Variants in PRDM15 observed in about 807,000 individuals in gnomAD.
PRDM15 encodes the protein PR/SET domain 15, also known as PR domain zinc finger protein 15.
A neutral mutation model predicts 128.6 loss-of-function variants in PRDM15; 64 were observed. The ratio of observed to expected loss-of-function variants is 0.50; its 90% CI spans 0.41 to 0.61. PRDM15 has a LOEUF of 0.61. PRDM15 is among the 20% of genes least tolerant of loss of function. The probability of loss-of-function intolerance (pLI) is 0.00; values close to 1 mark genes in which losing one functional copy is unlikely to be tolerated. For missense variants in PRDM15, 1,242 were observed against 1,569.1 expected (o/e 0.79, Z 3.52); for synonymous variants, 615 against 621.8 (o/e 0.99, Z 0.16).
chr21:41,857,433 C>A, intron 3 of PRDM15, 104 bp from the exon 4 acceptor site: 3 of 1,246,142 alleles, frequency 2.4e-6, no homozygotes, highest in East Asian at 2.4e-5. Context: ...CAGGGTTCTT[C>A]GGAAATAAAA....
rs540203744 is a variant in PRDM15 at position 41,799,974 on chromosome 21, GTCCCCGCACACGCAGACCTGGCTGT to G, written c.*1241_*1265del. 2.4e-4 allele frequency: 36 copies of G among 152,334 alleles called. No individual in the cohort carries two copies. The highest frequency in any genetic ancestry group is 7.9e-4 in the African/African-American group (33 of 41,564). 9.4% of individuals were successfully genotyped at this position (152,334 alleles called of 1,614,324 possible). On this transcript the variant is annotated 3_prime_UTR_variant, in exon 24 of 24. Coordinates refer to ENST00000398548, the MANE Select transcript of PRDM15 (RefSeq NM_001040424.3). ...CTGGTACACAGACGTGACAGCACGT[GTCCCCGCACACGCAGACCTGGCTGT>G]TCACCGCACATTCAGTTTTAGGGGC...
intron 7 of PRDM15, among the ~76,000 whole-genome samples, chr21:41,839,205 A>G (rs1234827261): frequency 1.3e-5 from 2 of 152,218 alleles, no homozygotes; most frequent in East Asian, 3.8e-4. Context: ...CAGGAGAAGG[A>G]GCCACAGATA....
intron 1 of PRDM15, among the ~76,000 whole-genome samples, chr21:41,867,633 T>C (rs1178014158): frequency 6.6e-6 from 1 of 152,238 alleles, no homozygotes; most frequent in Non-Finnish European, 1.5e-5. Flanking sequence ...TTTATTAATA[T>C]GATCTGCAAA....
chr21:41,878,810 C>A, intron 1 of PRDM15: 1 of 1,192,392 alleles, frequency 8.4e-7, no homozygotes, highest in South Asian at 3.3e-5. Context: ...TCGGCGACGA[C>A]GCCGCCCGGC....
At position 41,837,938 on chromosome 21, in the gene PRDM15, G is replaced by A. The variant is rs747228397; in HGVS notation, c.997C>T (p.Pro333Ser). 2 of 1,614,190 alleles carry A rather than the reference G, an allele frequency of 1.2e-6. No homozygotes were observed. Among genetic ancestry groups the A allele is most frequent in the East Asian group, 2.2e-5 (1 of 44,878 alleles). Residue 333 changes from proline (P) to serine (S), a missense_variant, in exon 8 of 24, where the codon CCA becomes TCA. This residue lies in a region of PRDM15 where 612 missense variants were observed against 717.0 expected (regional missense o/e 0.85). Transcript: ENST00000398548. ...ATTTTDTSSV[P>S]KFTHHQNNTI... Reference sequence around the variant, plus strand: ...CAGGTGCCAGGCAGGACTTACTTTGGAACCGAGCTGGTGTCAGTGGTGGTG... The same window carrying A: ...CAGGTGCCAGGCAGGACTTACTTTGAAACCGAGCTGGTGTCAGTGGTGGTG...
rs28535385 is a variant in PRDM15, at chr21:41,821,553, A to G, written c.1897-323T>C. Among the ~76,000 whole-genome samples the G allele has an allele frequency of 0.11, 15,916 of 151,170 alleles. 1,294 individuals are homozygous for G. Among genetic ancestry groups the G allele is most frequent in the African/African-American group, 0.22 (9,160 of 41,246 alleles). ...AGGGGGAGGAGAGAAGGGGAGGGGA[A>G]AAGGGGAGGAGAGAGGCGCCCCAGC... On this transcript the variant is annotated intron_variant, in intron 15 of 23. Coordinates refer to ENST00000398548, the MANE Select transcript of PRDM15 (RefSeq NM_001040424.3). The surrounding 1 kb of genome is among the most constrained non-coding windows in gnomAD (Gnocchi z 5.4).
chr21:41,828,031 G>A lies in PRDM15; in HGVS notation c.1534+135C>T. The A allele has an allele frequency of 1.2e-6, 1 of 803,206 alleles. No individual in the cohort carries two copies. Among genetic ancestry groups the A allele is most frequent in the East Asian group, 2.6e-5 (1 of 38,462 alleles). The allele number at this position is 803,206 out of a possible 1,614,324, so 49.8% of individuals were successfully genotyped here. A position where few individuals can be genotyped will look rare whatever the true frequency, so the allele number is the denominator to read the frequency against. ...CAGAAGAGGATGAGCCCATCGGATG[G>A]CGGGCGTTTCCAGGCAAAGGAGCAG... On this transcript the variant is annotated intron_variant, in intron 12 of 23. Transcript: ENST00000398548. The surrounding 1 kb of genome is among the most constrained non-coding windows in gnomAD (Gnocchi z 5.7).
chr21:41,871,808 C>A, intron 1 of PRDM15: 1 of 597,304 alleles, frequency 1.7e-6, no homozygotes. Flanking sequence ...CTCCAGCACC[C>A]AGGCTCAGGA....
At chr21:41,819,372 G>A (rs918205977) in intron 18 of PRDM15, among the ~76,000 whole-genome samples, 5 of 142,558 alleles carry the variant, frequency 3.5e-5, no homozygotes, top group East Asian at 2.1e-4. Context: ...CCCTCCCAGC[G>A]CCCTGCAGCA....
At chr21:41,806,018 TCACCACCACCAC>T (rs1568879740) in intron 21 of PRDM15, among the ~76,000 whole-genome samples, 1 of 26,718 alleles carries the variant, frequency 3.7e-5, no homozygotes, top group East Asian at 1.4e-3. Context: ...ACCACCACCA[TCACCACCACCAC>T]CATCACCACC....
chr21:41,825,653 C>T (rs556038514), intron 13 of PRDM15, among the ~76,000 whole-genome samples: 14 of 152,270 alleles, frequency 9.2e-5, no homozygotes, highest in South Asian at 8.3e-4. Flanking sequence ...ACTGTCTCAA[C>T]GATGCTATAC....
chr21:41,874,526 T>TATATATATATA (rs370122401), intron 1 of PRDM15, among the ~76,000 whole-genome samples: 28 of 41,194 alleles, frequency 6.8e-4, no homozygotes, highest in African/African-American at 2.5e-3. Context: ...TATATATATA[T>TATATATATATA]TTTTTTTTTT....
chr21:41,825,825 T>C lies in PRDM15; in HGVS notation c.1629+135A>G. On this transcript the variant is annotated intron_variant, in intron 13 of 23. Transcript: ENST00000398548. ...GTGTTTAAAATGGGTGGACACCAGT[T>C]TAAGACAACCTGAGCACCCATCGTT... 4.5e-6 allele frequency: 3 copies of C among 668,198 alleles called. No homozygotes were observed. In the South Asian group the frequency reaches 5.9e-5, roughly 13 times the overall value. The allele number at this position is 668,198 out of a possible 1,614,324, so 41.4% of individuals were successfully genotyped here.
intron 5 of PRDM15, among the ~76,000 whole-genome samples, chr21:41,853,146 G>A (rs770258235): frequency 2.0e-5 from 3 of 152,236 alleles, no homozygotes; most frequent in Non-Finnish European, 4.4e-5. Flanking sequence ...CTGACGTGAA[G>A]GCACTGGGTT....
chr21:41,867,431 G>A (rs984450986), intron 1 of PRDM15: 1 of 1,306,414 alleles, frequency 7.7e-7, no homozygotes, highest in African/African-American at 1.5e-5. Context: ...CAGCAGAACA[G>A]GTGAAACATA....
chr21:41,876,614 T>G (rs1161234999), intron 1 of PRDM15, among the ~76,000 whole-genome samples: 1 of 152,060 alleles, frequency 6.6e-6, no homozygotes, highest in Non-Finnish European at 1.5e-5. Flanking sequence ...AGGAGGGACC[T>G]TTCCTTAGGA....
intron 1 of PRDM15, chr21:41,861,540 C>T (rs368129124): frequency 1.9e-6 from 3 of 1,564,034 alleles, no homozygotes; most frequent in East Asian, 2.3e-5. Flanking sequence ...CTCTGCCCCC[C>T]CCCAATCCCC....
In PRDM15 at chr21:41,828,399, G is replaced by A. The variant is rs1601248910; in HGVS notation, c.1367-66C>T. On this transcript the variant is annotated intron_variant, in intron 11 of 23. Coordinates refer to ENST00000398548, the MANE Select transcript of PRDM15 (RefSeq NM_001040424.3). The surrounding 1 kb of genome is among the most constrained non-coding windows in gnomAD (Gnocchi z 5.7). ...AATAACATCTCACGCAGGCACGCAC[G>A]TGTGGCCTGAACGTCAATAAAGCGC... The A allele has an allele frequency of 1.5e-5, 23 of 1,563,716 alleles. No homozygotes were observed. Among genetic ancestry groups the A allele is most frequent in the South Asian group, 1.3e-4 (12 of 89,596 alleles).
In PRDM15 at chr21:41,818,710, C is replaced by T. The variant is rs2062140784; in HGVS notation, c.2260+872G>A. 2.0e-5 allele frequency among the ~76,000 whole-genome samples: 3 copies of T among 152,178 alleles called. No homozygotes were observed. In the South Asian group the frequency reaches 6.2e-4, roughly 32 times the overall value. ...TTCCAACACACTGTCACCGGGACAG[C>T]ATGAGCAGGGTCGCTTGAAACAGCC... On this transcript the variant is annotated intron_variant, in intron 18 of 23. Coordinates refer to ENST00000398548, the MANE Select transcript of PRDM15 (RefSeq NM_001040424.3).
Sources: gnomAD v4.1 joint callset for allele counts (sites outside exome capture counted in the v4.1 genomes callset) on GRCh38, gnomAD v4.1.1 for gene constraint, gnomAD v4.1.1 regional missense constraint, Gnocchi (gnomAD v3.1) non-coding constraint, MANE v1.5 for transcripts, NCBI Gene and HGNC (gene_info 2026-07-23, HGNC 2026-07-21) for gene names.